The following MAP4K5 variants were observed in gnomAD, a reference collection of about 807,000 sequenced individuals.
MAP4K5 encodes the protein MAPK/ERK kinase kinase kinase 5.
A neutral mutation model predicts 135.6 loss-of-function variants in MAP4K5; 82 were observed. The ratio of observed to expected loss-of-function variants is 0.60; its 90% CI spans 0.51 to 0.73. MAP4K5 has a LOEUF of 0.73. MAP4K5 is among the 30% of genes least tolerant of loss of function. The pLI is 0.00. For synonymous variants in MAP4K5, 347 were observed against 335.0 expected (o/e 1.04, Z -0.39); for missense variants, 907 against 1,010.9 (o/e 0.90, Z 1.39).
chr14:50,517,024 T>C lies in MAP4K5; in HGVS notation c.109-12167A>G, dbSNP rs1405860046. Among the ~76,000 whole-genome samples, 7 of 152,298 alleles carry C rather than the reference T, an allele frequency of 4.6e-5. No homozygotes were observed. The East Asian group carries it at 1.4e-3, about 29-fold the overall frequency. ...AAATTCTAGACCCTTCCCACCAGTC[T>C]AGTTATTATTTACTTTGATTATGTG... On this transcript the variant is annotated intron_variant, in intron 2 of 32. Transcript: ENST00000682126.
At chr14:50,555,795 A>T (rs2038758528) in intron 1 of MAP4K5, among the ~76,000 whole-genome samples, 1 of 152,194 alleles carries the variant, frequency 6.6e-6, no homozygotes, top group African/African-American at 2.4e-5. Context: ...TTGTTGCATG[A>T]AAGTAAATGT....
intron 2 of MAP4K5, among the ~76,000 whole-genome samples, chr14:50,509,433 TA>T (rs769925056): frequency 2.0e-5 from 3 of 152,128 alleles, no homozygotes; most frequent in Non-Finnish European, 4.4e-5. Context: ...ATTAACAAAA[TA>T]ATCTACTGAA....
At chr14:50,457,418 C>G (rs1360458906) in intron 13 of MAP4K5, among the ~76,000 whole-genome samples, 1 of 152,042 alleles carries the variant, frequency 6.6e-6, no homozygotes, top group African/African-American at 2.4e-5. Context: ...ATACTTCTAC[C>G]CACCACGCAG....
At chr14:50,499,157 G>A (rs894504789) in intron 3 of MAP4K5, among the ~76,000 whole-genome samples, 1 of 151,878 alleles carries the variant, frequency 6.6e-6, no homozygotes, top group Admixed American at 6.6e-5. Context: ...ACAGGATGCT[G>A]AAGATACGAA....
At chr14:50,467,430 C>A (rs2036857282) in intron 10 of MAP4K5, among the ~76,000 whole-genome samples, 1 of 151,908 alleles carries the variant, frequency 6.6e-6, no homozygotes, top group Admixed American at 6.6e-5. Context: ...TTTTTCTAAT[C>A]TTTTTAGTCT....
chr14:50,492,475 C>A (rs982467395), intron 3 of MAP4K5, among the ~76,000 whole-genome samples: 1 of 151,746 alleles, frequency 6.6e-6, no homozygotes, highest in Non-Finnish European at 1.5e-5. Context: ...GTGCCTGTAG[C>A]CCCACCTACT....
chr14:50,429,043 A>G (rs2035911814), intron 29 of MAP4K5, 149 bp downstream of exon 29: 3 of 584,002 alleles, frequency 5.1e-6, no homozygotes, highest in Non-Finnish European at 5.9e-6. Context: ...CTATTTAGCC[A>G]TAAGAGGTGA....
intron 28 of MAP4K5, among the ~76,000 whole-genome samples, chr14:50,433,107 GA>G (rs2139662655): frequency 6.6e-6 from 1 of 152,330 alleles, no homozygotes; most frequent in African/African-American, 2.4e-5. Flanking sequence ...AAAGTGCTGG[GA>G]TTATAGGTGT....
In MAP4K5 at chr14:50,445,268, C is replaced by G. The variant is rs745413806; in HGVS notation, c.1186-74G>C. On this transcript the variant is annotated intron_variant, in intron 17 of 32. Transcript: ENST00000682126. ...CAGAGTCTTTAGGGAAAGGGAAATG[C>G]ACCTTTTTTCATTCTTCTATACAGT... 3 of 1,381,668 alleles carry G rather than the reference C, an allele frequency of 2.2e-6. No homozygotes were observed. In the African/African-American group the frequency reaches 4.3e-5, roughly 20 times the overall value. The allele number at this position is 1,381,668 out of a possible 1,614,324, so 85.6% of individuals were successfully genotyped here.
chr14:50,481,414 CT>C, intron 6 of MAP4K5, among the ~76,000 whole-genome samples: 1 of 151,672 alleles, frequency 6.6e-6, no homozygotes, highest in Non-Finnish European at 1.5e-5. Context: ...TTGACTAGAA[CT>C]TTTTCCTGAT....
rs552332520 is a variant in MAP4K5, at chr14:50,491,845, C to T, written c.167-5651G>A. On this transcript the variant is annotated intron_variant, in intron 3 of 32. Coordinates refer to ENST00000682126, the MANE Select transcript of MAP4K5 (RefSeq NM_006575.6). ...GGATTACAGGCACATGTCATGACAC[C>T]TAGCTAATTTTTTGTATTCTTTGTA... Among the ~76,000 whole-genome samples, 409 of 152,080 alleles carry T rather than the reference C, an allele frequency of 2.7e-3. 2 individuals are homozygous for T. The highest frequency in any genetic ancestry group is 4.4e-3 in the Non-Finnish European group (298 of 67,982).
At chr14:50,492,873 A>C (rs2037514090) in intron 3 of MAP4K5, among the ~76,000 whole-genome samples, 3 of 151,932 alleles carry the variant, frequency 2.0e-5, no homozygotes. Context: ...ATGTAGAAAA[A>C]TATAAAGAAT....
At chr14:50,441,122 A>C (rs941221014) in intron 21 of MAP4K5, among the ~76,000 whole-genome samples, 1 of 152,212 alleles carries the variant, frequency 6.6e-6, no homozygotes, top group Non-Finnish European at 1.5e-5. Flanking sequence ...TAAATAAACG[A>C]ATGAATAAGT....
intron 9 of MAP4K5, among the ~76,000 whole-genome samples, chr14:50,471,227 T>C (rs1010169141): frequency 1.3e-5 from 2 of 152,160 alleles, no homozygotes; most frequent in African/African-American, 4.8e-5. Flanking sequence ...TTAGTGATAG[T>C]AAGGATGCCC....
intron 2 of MAP4K5, among the ~76,000 whole-genome samples, chr14:50,527,849 TAAAA>T (rs376491410): frequency 1.4e-4 from 1 of 7,178 alleles, no homozygotes; most frequent in Admixed American, 1.2e-3. Flanking sequence ...AATAAATAAA[TAAAA>T]ATAAAAATAA....
chr14:50,556,774 T>C (rs2038770297), intron 1 of MAP4K5, among the ~76,000 whole-genome samples: 1 of 152,214 alleles, frequency 6.6e-6, no homozygotes, highest in South Asian at 2.1e-4. Flanking sequence ...GCTACTTTCA[T>C]TTACTATAAT....
intron 32 of MAP4K5, among the ~76,000 whole-genome samples, chr14:50,421,320 G>A (rs759775712): frequency 4.0e-5 from 6 of 151,804 alleles, no homozygotes; most frequent in African/African-American, 1.5e-4. Flanking sequence ...GTGCAATGGC[G>A]TGATCTCGGC....
intron 26 of MAP4K5, among the ~76,000 whole-genome samples, chr14:50,436,938 G>A (rs181040365): frequency 1.3e-5 from 2 of 152,136 alleles, no homozygotes; most frequent in Admixed American, 6.5e-5. Flanking sequence ...TGTTCTAAAC[G>A]GTAATGATTT....
intron 1 of MAP4K5, among the ~76,000 whole-genome samples, chr14:50,555,268 TTTTGTTTTGTTTTG>T (rs2038751849): frequency 2.0e-4 from 4 of 20,100 alleles, no homozygotes; most frequent in East Asian, 5.0e-3. Context: ...TTCATTTTTG[TTTTGTTTTGTTTTG>T]TTTGTTTGTT....
Sources: gnomAD v4.1 joint callset for allele counts (sites outside exome capture counted in the v4.1 genomes callset) on GRCh38, gnomAD v4.1.1 for gene constraint, MANE v1.5 for transcripts, NCBI Gene and HGNC (gene_info 2026-07-23, HGNC 2026-07-21) for gene names.